The following SCAF4 variants were observed in gnomAD, a reference collection of about 807,000 sequenced individuals.
SCAF4 encodes the protein SR-related and CTD-associated factor 4.
SCAF4 carries 25 observed loss-of-function variants against 129.8 expected under a neutral mutation model. That is an observed-to-expected ratio of 0.19 (90% CI 0.14 to 0.27). SCAF4 has a LOEUF of 0.27. SCAF4 is among the 10% of genes least tolerant of loss of function. The pLI is 1.00. For synonymous variants in SCAF4, 551 were observed against 497.7 expected, an observed-to-expected ratio of 1.11 and a Z score of -1.43; for missense variants, 1,246 against 1,457.1, an observed-to-expected ratio of 0.86 and a Z score of 2.36.
chr21:31,681,715 G>C (rs527565535), intron 19 of SCAF4, among the ~76,000 whole-genome samples: 2 of 152,106 alleles, frequency 1.3e-5, no homozygotes, highest in South Asian at 2.1e-4. Flanking sequence ...ATTACTAAAA[G>C]AATCAAAATC....
chr21:31,686,203 CA>C (rs761150826), intron 16 of SCAF4, among the ~76,000 whole-genome samples: 134 of 75,864 alleles, frequency 1.8e-3, no homozygotes, highest in East Asian at 7.7e-3. Context: ...ACTTGGTCTT[CA>C]AAAAAAAAAA....
intron 1 of SCAF4, among the ~76,000 whole-genome samples, chr21:31,717,842 T>TACAC (rs66498283): frequency 0.13 from 15,094 of 114,100 alleles, 1,161 homozygotes; most frequent in Non-Finnish European, 0.18. Flanking sequence ...TATATATATA[T>TACAC]ACACACACAC....
In SCAF4 at chr21:31,723,629, T is replaced by TGTGTGC. The variant is rs1271033175; in HGVS notation, c.30+8033_30+8034insGCACAC. 3.3e-3 allele frequency among the ~76,000 whole-genome samples: 495 copies of TGTGTGC among 149,066 alleles called. 6 individuals are homozygous for TGTGTGC. Among genetic ancestry groups the TGTGTGC allele is most frequent in the South Asian group, 0.018 (87 of 4,716 alleles). On this transcript the variant is annotated intron_variant, in intron 1 of 19. Transcript: ENST00000286835. ...TATATGATGTGTGTGTGTGTGTGTG[T>TGTGTGC]GCGCGCGCGCGCGCGCGCACATACA...
rs769481254 is a variant in SCAF4 at position 31,684,992 on chromosome 21, G to C, written c.2488+57C>G. ...AAAAAAATCTAACTTGGGGATGGGT[G>C]GGGGGGTGGGGGGGGGGTGGGGCAA... On this transcript the variant is annotated intron_variant, in intron 19 of 19. Coordinates refer to ENST00000286835, the MANE Select transcript of SCAF4 (RefSeq NM_020706.2). The C allele has an allele frequency of 1.4e-5, 8 of 579,566 alleles. No homozygotes were observed. The East Asian group carries it at 2.1e-4, about 15-fold the overall frequency. The allele number at this position is 579,566 out of a possible 1,614,324, so 35.9% of individuals were successfully genotyped here. A position where few individuals can be genotyped will look rare whatever the true frequency, so the allele number is the denominator to read the frequency against.
intron 1 of SCAF4, among the ~76,000 whole-genome samples, chr21:31,708,895 G>A (rs1293841846): frequency 6.6e-6 from 1 of 152,228 alleles, no homozygotes; most frequent in Non-Finnish European, 1.5e-5. Flanking sequence ...AAGAGGGTGA[G>A]GATGGCCAGG....
intron 1 of SCAF4, among the ~76,000 whole-genome samples, chr21:31,721,728 T>G (rs907088712): frequency 2.7e-5 from 4 of 149,610 alleles, no homozygotes; most frequent in African/African-American, 9.8e-5. Flanking sequence ...AGCAATTCTT[T>G]TTTTTTTTTT....
chr21:31,694,992 A>G lies in SCAF4; in HGVS notation c.1069-12T>C. ...GGAGGAAGTGGAACCTTTCATTTTTAAAGAAAGTGTATGAGTAATAGCTAT... is the reference window on the plus strand; with the variant it reads ...GGAGGAAGTGGAACCTTTCATTTTTGAAGAAAGTGTATGAGTAATAGCTAT... On this transcript the variant is annotated splice_polypyrimidine_tract_variant and intron_variant, in intron 9 of 19. Transcript: ENST00000286835. 6.2e-7 allele frequency: 1 copy of G among 1,611,092 alleles called. No individual in the cohort carries two copies. Among genetic ancestry groups the G allele is most frequent in the Non-Finnish European group, 8.5e-7 (1 of 1,178,092 alleles).
Position 31,719,065 on chromosome 21 carries a change from CAG to C in SCAF4, c.30+12596_30+12597del, listed in dbSNP as rs568115135. ...CAGCACTTCGGGAGGCCGAGGTAGA[CAG>C]ATCGCCTGAGGTCAGGAGTTTGAGA... On this transcript the variant is annotated intron_variant, in intron 1 of 19. Coordinates refer to ENST00000286835, the MANE Select transcript of SCAF4 (RefSeq NM_020706.2). Among the ~76,000 whole-genome samples, 9 of 152,218 alleles carry C rather than the reference CAG, an allele frequency of 5.9e-5. No homozygotes were observed. In the South Asian group the frequency reaches 1.9e-3, roughly 32 times the overall value.
intron 1 of SCAF4, among the ~76,000 whole-genome samples, chr21:31,715,780 G>A (rs2050907446): frequency 6.6e-6 from 1 of 152,094 alleles, no homozygotes; most frequent in Non-Finnish European, 1.5e-5. Context: ...TATTCCTTGG[G>A]TATTTATAAC....
intron 16 of SCAF4, among the ~76,000 whole-genome samples, 194 bp downstream of exon 16, chr21:31,688,113 T>A (rs1240099320): frequency 4.0e-4 from 1 of 2,506 alleles, no homozygotes; most frequent in Non-Finnish European, 5.6e-4. Flanking sequence ...AGACTCTGTC[T>A]CAAAAAAAAA....
rs759250851 is a variant in SCAF4 at position 31,693,425 on chromosome 21, C to T, written c.1382G>A (p.Arg461His). ...TCTATCCCTGGACCGAGATCGAGAA[C>T]GTCGATGCCGAGACCTTCGAGATCT... ...GSRSRRSRHRRSRSRSRDRRR... is the reference protein window; with the variant it reads ...GSRSRRSRHRHSRSRSRDRRR... The change falls in exon 12 of 20, where the codon CGT (arginine) becomes CAT (histidine). Residue 461 changes from arginine to histidine, a missense_variant. By Grantham distance (29) the Arg-to-His change is conservative. Transcript: ENST00000286835. 61 of 1,561,232 alleles carry T rather than the reference C, an allele frequency of 3.9e-5. No individual in the cohort carries two copies. Among genetic ancestry groups the T allele is most frequent in the Non-Finnish European group, 4.3e-5 (49 of 1,143,932 alleles).
intron 7 of SCAF4, 153 bp downstream of exon 7, chr21:31,700,842 A>G (rs2050511649): frequency 1.1e-6 from 1 of 911,928 alleles, no homozygotes. Context: ...AAAACCAGGG[A>G]AAATAATCGA....
intron 1 of SCAF4, among the ~76,000 whole-genome samples, chr21:31,713,573 A>AT (rs2050854959): frequency 6.6e-6 from 1 of 152,240 alleles, no homozygotes; most frequent in East Asian, 1.9e-4. Flanking sequence ...AATGAATTAC[A>AT]TAATTCCTAC....
chr21:31,671,487 AG>A lies in SCAF4; in HGVS notation c.3355del (p.Leu1119Ter). 6.2e-7 allele frequency: 1 copy of A among 1,614,156 alleles called. No homozygotes were observed. Among genetic ancestry groups the A allele is most frequent in the Non-Finnish European group, 8.5e-7 (1 of 1,180,016 alleles). On this transcript the variant is annotated frameshift_variant, in exon 20 of 20. Transcript: ENST00000286835. LOFTEE classifies it high-confidence loss of function. ...LEKGVSEAAV[L>X]KPSEELPAEA... ...AGCAGGTAACTCTTCAGAAGGCTTT[AG>A]GACTGCAGCCTCAGACACCCCCTTC...
At position 31,696,604 on chromosome 21, in the gene SCAF4, G is replaced by C. The variant is rs141446578; in HGVS notation, c.924C>G (p.Pro308=). 4.7e-5 allele frequency: 76 copies of C among 1,612,076 alleles called. No individual in the cohort carries two copies. Among genetic ancestry groups the C allele is most frequent in the Non-Finnish European group, 6.3e-5 (74 of 1,178,880 alleles). ...PTATVPAAAA[P]AAASPPPPQA... ...GTGGAGGAGGAGGAGAGGCAGCAGC[G>C]GGTGCAGCAGCAGCAGGCACGGTGG... The change falls in exon 8 of 20, where the codon CCC becomes CCG. Residue 308 remains proline, a synonymous_variant. Coordinates refer to ENST00000286835, the MANE Select transcript of SCAF4 (RefSeq NM_020706.2).
Position 31,712,796 on chromosome 21 carries a change from C to T in SCAF4, c.31-6439G>A, listed in dbSNP as rs1258751392. 3 of 654,744 alleles carry T rather than the reference C, an allele frequency of 4.6e-6. No homozygotes were observed. The African/African-American group carries it at 5.9e-5, about 13-fold the overall frequency. 40.6% of individuals were successfully genotyped at this position (654,744 alleles called of 1,614,324 possible). A position where few individuals can be genotyped will look rare whatever the true frequency, so the allele number is the denominator to read the frequency against. ...CCACCCACCTCGGCCTCCCAAAGTG[C>T]TGGGATTACAGGCGTGAGCCACTGT... is the stretch of plus-strand genomic sequence containing the variant. On this transcript the variant is annotated intron_variant, in intron 1 of 19. Transcript: ENST00000286835.
At chr21:31,682,028 C>T (rs1271539236) in intron 19 of SCAF4, among the ~76,000 whole-genome samples, 1 of 152,178 alleles carries the variant, frequency 6.6e-6, no homozygotes, top group African/African-American at 2.4e-5. Context: ...ACTAAACTGA[C>T]ACATTTTCTC....
At chr21:31,690,051 T>A (rs1488537595) in intron 15 of SCAF4, among the ~76,000 whole-genome samples, 1 of 152,218 alleles carries the variant, frequency 6.6e-6, no homozygotes, top group African/African-American at 2.4e-5. Flanking sequence ...TTTTCCCCCC[T>A]GCAATCTCAC....
At chr21:31,681,571 CCAA>C (rs886867541) in intron 19 of SCAF4, among the ~76,000 whole-genome samples, 4 of 152,270 alleles carry the variant, frequency 2.6e-5, no homozygotes, top group African/African-American at 9.6e-5. Flanking sequence ...TCCTAAGTGA[CCAA>C]CAACTGTAGA....
Sources: allele counts gnomAD v4.1 joint callset (sites outside exome capture counted in the v4.1 genomes callset), GRCh38; gene constraint gnomAD v4.1.1; transcripts MANE v1.5; gene names NCBI Gene and HGNC (gene_info 2026-07-23, HGNC 2026-07-21).